NPSR1: variants seen among roughly 807,000 people sequenced by gnomAD.
NPSR1 encodes neuropeptide S receptor.
A neutral mutation model predicts 46.9 loss-of-function variants in NPSR1; 48 were observed. The ratio of observed to expected loss-of-function variants is 1.02; its 90% CI spans 0.81 to 1.30. The LOEUF (loss-of-function observed/expected upper bound fraction) is 1.30, where lower values mean the gene tolerates loss of function less well. NPSR1 is among the 50% of genes most tolerant of loss of function. The pLI, the probability that NPSR1 is intolerant of heterozygous loss-of-function variation, is 0.00. For synonymous variants in NPSR1, 176 were observed against 168.1 expected, an observed-to-expected ratio of 1.05 and a Z score of -0.36; for missense variants, 450 against 449.5, an observed-to-expected ratio of 1.00 and a Z score of -0.01.
chr7:34,853,553 G>A (rs1790985223), downstream of NPSR1, among the ~76,000 whole-genome samples: 1 of 152,212 alleles, frequency 6.6e-6, no homozygotes, highest in Non-Finnish European at 1.5e-5. Flanking sequence ...TTTTAAAAGT[G>A]CAATTCCAGG....
chr7:34,847,642 G>A lies in NPSR1; in HGVS notation c.845-841G>A, dbSNP rs575549163. On this transcript the variant is annotated intron_variant, in intron 7 of 8. Transcript: ENST00000360581. ...TAGCTCGAAGACAGGCAAGCAGAGT[G>A]AATCTTCTCTTACTTAACCTTTTTC... Among the ~76,000 whole-genome samples, 9 of 152,294 alleles carry A rather than the reference G, an allele frequency of 5.9e-5. No homozygotes were observed. The East Asian group carries it at 1.7e-3, about 29-fold the overall frequency.
In NPSR1 at chr7:34,862,385, G is replaced by A. The variant is rs1791210518; in HGVS notation, c.1025+13722G>A. On this transcript the variant is annotated intron_variant, in intron 8 of 8. Coordinates refer to the NPSR1 transcript ENST00000359791. ...CCCTGGGGCCTCCTCTGAACTCTTA[G>A]GATAACTCTACCCTTTATTTTTTGT... is the stretch of plus-strand genomic sequence containing the variant. Among the ~76,000 whole-genome samples the A allele has an allele frequency of 3.3e-5, 5 of 151,824 alleles. No homozygotes were observed. The South Asian group carries it at 1.0e-3, about 32-fold the overall frequency.
downstream of NPSR1, among the ~76,000 whole-genome samples, chr7:34,850,132 G>A (rs1471237005): frequency 6.6e-6 from 1 of 152,238 alleles, no homozygotes; most frequent in African/African-American, 2.4e-5. Flanking sequence ...TCCTTGAAAT[G>A]CCAACAAATT....
intron 2 of NPSR1, among the ~76,000 whole-genome samples, chr7:34,707,814 G>A (rs548556030): frequency 6.6e-6 from 1 of 152,284 alleles, no homozygotes; most frequent in South Asian, 2.1e-4. Context: ...TGGGACTGCC[G>A]TAACAAATAC....
intron 2 of NPSR1, 102 bp downstream of exon 2, chr7:34,684,786 G>T: frequency 1.1e-6 from 1 of 899,400 alleles, no homozygotes; most frequent in Non-Finnish European, 1.6e-6. Context: ...GTAACGCATC[G>T]GTCAATTTGG....
chr7:34,750,841 G>T (rs1222642860), intron 2 of NPSR1: 1 of 693,790 alleles, frequency 1.4e-6, no homozygotes, highest in East Asian at 3.2e-5. Context: ...TTTCCACCAG[G>T]CTTTGTCTGC....
chr7:34,762,085 C>T (rs552506501), intron 2 of NPSR1, among the ~76,000 whole-genome samples: 7 of 152,048 alleles, frequency 4.6e-5, no homozygotes, highest in Non-Finnish European at 8.8e-5. Context: ...ACTTGGGTTT[C>T]CTTAATTAGA....
At chr7:34,681,259 C>T (rs1177566644) in intron 1 of NPSR1, among the ~76,000 whole-genome samples, 5 of 152,146 alleles carry the variant, frequency 3.3e-5, no homozygotes, top group African/African-American at 9.7e-5. Flanking sequence ...GTTACCCATT[C>T]CTGGAGGATG....
intron 2 of NPSR1, chr7:34,750,645 G>A: frequency 1.5e-6 from 1 of 689,622 alleles, no homozygotes; most frequent in South Asian, 1.5e-5. Flanking sequence ...GCCCCATGTT[G>A]TAGCTTGCCC....
chr7:34,677,303 C>T (rs1198798162), intron 1 of NPSR1, among the ~76,000 whole-genome samples: 3 of 152,156 alleles, frequency 2.0e-5, no homozygotes, highest in African/African-American at 7.2e-5. Flanking sequence ...CCAGAGTCAT[C>T]AATGCCGACG....
downstream of NPSR1, among the ~76,000 whole-genome samples, chr7:34,851,979 G>T (rs938887927): frequency 6.6e-5 from 10 of 152,148 alleles, no homozygotes; most frequent in Admixed American, 6.5e-5. Flanking sequence ...TGAGCTTGGA[G>T]AAACATGATT....
intron 6 of NPSR1, among the ~76,000 whole-genome samples, chr7:34,838,012 G>A (rs1372825801): frequency 6.6e-6 from 1 of 152,030 alleles, no homozygotes; most frequent in Non-Finnish European, 1.5e-5. Flanking sequence ...CAATTCCATG[G>A]GTCTGACATG....
intron 2 of NPSR1, among the ~76,000 whole-genome samples, chr7:34,738,058 G>C (rs1209075892): frequency 1.3e-5 from 2 of 152,154 alleles, no homozygotes; most frequent in African/African-American, 4.8e-5. Context: ...TTGAACGAAA[G>C]GATAAATAAA....
chr7:34,693,079 C>T (rs1435771028), intron 2 of NPSR1, among the ~76,000 whole-genome samples: 1 of 151,900 alleles, frequency 6.6e-6, no homozygotes, highest in African/African-American at 2.4e-5. Context: ...CACCCCCCTG[C>T]TCTCTCTCTC....
chr7:34,744,764 G>A (rs532830014), intron 2 of NPSR1, among the ~76,000 whole-genome samples: 1 of 152,156 alleles, frequency 6.6e-6, no homozygotes, highest in South Asian at 2.1e-4. Context: ...TGTTTGACAA[G>A]GGTATGTATT....
At chr7:34,667,110 A>G (rs1791791574) in intron 1 of NPSR1, among the ~76,000 whole-genome samples, 1 of 152,182 alleles carries the variant, frequency 6.6e-6, no homozygotes, top group African/African-American at 2.4e-5. Flanking sequence ...TTCTCCTCCA[A>G]AAAGCATAAG....
intron 2 of NPSR1, among the ~76,000 whole-genome samples, chr7:34,766,739 A>T (rs1562712626): frequency 6.6e-6 from 1 of 151,738 alleles, no homozygotes; most frequent in Non-Finnish European, 1.5e-5. Context: ...CGCCCGGCTA[A>T]TTTTTTTGTA....
intron 4 of NPSR1, among the ~76,000 whole-genome samples, chr7:34,820,726 G>A (rs982201181): frequency 6.6e-6 from 1 of 152,106 alleles, no homozygotes; most frequent in African/African-American, 2.4e-5. Context: ...TGGGTAGTGG[G>A]GGATGGGGTG....
At chr7:34,725,772 G>A (rs752772852) in intron 2 of NPSR1, among the ~76,000 whole-genome samples, 2 of 152,190 alleles carry the variant, frequency 1.3e-5, no homozygotes, top group Non-Finnish European at 2.9e-5. Context: ...CTATTGATAT[G>A]GTTTGGCTGT....
Sources: allele counts gnomAD v4.1 joint callset (sites outside exome capture counted in the v4.1 genomes callset), GRCh38; gene constraint gnomAD v4.1.1; transcripts MANE v1.5; gene names NCBI Gene and HGNC (gene_info 2026-07-23, HGNC 2026-07-21).